The following DHX29 variants were observed in gnomAD, a reference collection of about 807,000 sequenced individuals.
DHX29 encodes DExH-box helicase 29.
Under a neutral mutation model 167.9 loss-of-function variants are expected in DHX29, and 79 were observed. The ratio of observed to expected loss-of-function variants is 0.47; its 90% CI spans 0.39 to 0.57. The LOEUF is 0.57. DHX29 is among the 20% of genes least tolerant of loss of function. The probability of loss-of-function intolerance (pLI) is 0.00; values close to 1 mark genes in which losing one functional copy is unlikely to be tolerated. For synonymous variants in DHX29, 530 were observed against 546.0 expected, an observed-to-expected ratio of 0.97 and a Z score of 0.41; for missense variants, 1,347 against 1,593.4, an observed-to-expected ratio of 0.85 and a Z score of 2.63.
rs536647432 is a variant in DHX29, at chr5:55,298,826, C to G, written c.188-162G>C. On this transcript the variant is annotated intron_variant, in intron 1 of 26. Transcript: ENST00000251636. Reference sequence around the variant, plus strand: ...CGGGTGGATCATGAGGTCAGGAGATCGAGACCATCCTGGCTAACAAGGTGA... The same window carrying G: ...CGGGTGGATCATGAGGTCAGGAGATGGAGACCATCCTGGCTAACAAGGTGA... Among the ~76,000 whole-genome samples the G allele has an allele frequency of 1.1e-4, 16 of 150,680 alleles. No individual in the cohort carries two copies. The East Asian group carries it at 2.9e-3, about 27-fold the overall frequency.
rs141890902 is a variant in DHX29, at chr5:55,270,585, T to G, written c.2986A>C (p.Arg996=). Residue 996 remains arginine, a synonymous_variant, in exon 19 of 27, where the codon AGA becomes CGA. Transcript: ENST00000251636. Reference sequence around the variant, plus strand: ...TCCAGTGCTATGCCATACCTTTCTCTTGTGTACATTCGGAAACAGAAGCCA... The same window carrying G: ...TCCAGTGCTATGCCATACCTTTCTCGTGTGTACATTCGGAAACAGAAGCCA... The part of the protein sequence containing the change: ...RDGFCFRMYT[R]ERFEGFMDYS... 29 of 1,614,090 alleles carry G rather than the reference T, an allele frequency of 1.8e-5. No homozygotes were observed. The African/African-American group carries it at 2.3e-4, about 13-fold the overall frequency.
chr5:55,305,118 C>T (rs2111991312), intron 1 of DHX29, among the ~76,000 whole-genome samples: 1 of 152,262 alleles, frequency 6.6e-6, no homozygotes, highest in Non-Finnish European at 1.5e-5. Context: ...AACACATATC[C>T]ATAAAACTGT....
In DHX29 at chr5:55,272,145, C is replaced by A. The variant is rs1416970665; in HGVS notation, c.2806G>T (p.Gly936Cys). 2 of 1,580,778 alleles carry A rather than the reference C, an allele frequency of 1.3e-6. No individual in the cohort carries two copies. The highest frequency in any genetic ancestry group is 3.7e-5 in the Admixed American group (2 of 54,082). The change falls in exon 18 of 27, where the codon GGT becomes TGT. Residue 936 changes from glycine (G) to cysteine (C), a missense_variant. Coordinates refer to ENST00000251636, the MANE Select transcript of DHX29 (RefSeq NM_019030.4). ...IVLATNIAETGITIPDVVFVI... is the reference protein window; with the variant it reads ...IVLATNIAETCITIPDVVFVI... ...AATACAACATCAGGAATAGTGATAC[C>A]CGTCTCTGCAATATTGGTTGCTAAA...
chr5:55,304,870 C>A (rs952577216), intron 1 of DHX29, among the ~76,000 whole-genome samples: 2 of 152,172 alleles, frequency 1.3e-5, no homozygotes, highest in African/African-American at 2.4e-5. Flanking sequence ...AGGAACTACA[C>A]AGAGTTGAGC....
intron 18 of DHX29, 22 bp downstream of exon 18, chr5:55,272,065 G>A (rs1017008173): frequency 7.1e-7 from 1 of 1,414,640 alleles, no homozygotes; most frequent in Non-Finnish European, 9.8e-7. Flanking sequence ...AAAATGTTTT[G>A]ATTTGGGAAA....
At chr5:55,259,644 C>G (rs573921711) in intron 26 of DHX29, among the ~76,000 whole-genome samples, 1 of 152,208 alleles carries the variant, frequency 6.6e-6, no homozygotes, top group African/African-American at 2.4e-5. Context: ...TTAGTAGAGA[C>G]AGGGTTTCAC....
Position 55,276,355 on chromosome 5 carries a change from CT to C in DHX29, c.2337del (p.Asp780ThrfsTer15). 6.2e-7 allele frequency: 1 copy of C among 1,605,962 alleles called. No individual in the cohort carries two copies. Among genetic ancestry groups the C allele is most frequent in the Non-Finnish European group, 8.5e-7 (1 of 1,176,480 alleles). ...IIEETGFVLE[K>X]DSEYCQKFLE... ...AGAAATTTCTGACAATATTCTGAGT[CT>C]TTTTCCAGTACAAAGCCTGTTTCTT... is the stretch of plus-strand genomic sequence containing the variant. On this transcript the variant is annotated frameshift_variant, in exon 14 of 27. Coordinates refer to ENST00000251636, the MANE Select transcript of DHX29 (RefSeq NM_019030.4). LOFTEE classifies it high-confidence loss of function.
intron 22 of DHX29, 99 bp from the exon 23 acceptor site, chr5:55,267,330 A>G: frequency 1.2e-6 from 1 of 863,578 alleles, no homozygotes; most frequent in Non-Finnish European, 1.8e-6. Flanking sequence ...TAATTAAATT[A>G]TAATTTTAAA....
intron 8 of DHX29, among the ~76,000 whole-genome samples, chr5:55,287,396 G>T (rs1018324002): frequency 6.6e-6 from 1 of 151,980 alleles, no homozygotes; most frequent in African/African-American, 2.4e-5. Context: ...AGCCAAGATC[G>T]TGCCACTGTT....
Position 55,301,731 on chromosome 5 carries a change from A to C in DHX29, c.188-3067T>G, listed in dbSNP as rs958882862. ...TCCATCTCAAAAAAAAAAAAAAAAA[A>C]AAAAACAAGAATGATTCCAGAATCA... is the stretch of plus-strand genomic sequence containing the variant. On this transcript the variant is annotated intron_variant, in intron 1 of 26. Transcript: ENST00000251636. 2.8e-3 allele frequency among the ~76,000 whole-genome samples: 419 copies of C among 151,578 alleles called. 2 individuals carry two copies. The highest frequency in any genetic ancestry group is 9.5e-3 in the African/African-American group (393 of 41,326).
intron 26 of DHX29, 27 bp downstream of exon 26, chr5:55,259,821 G>T (rs559925430): frequency 9.1e-6 from 12 of 1,321,970 alleles, no homozygotes; most frequent in Admixed American, 6.8e-5. Flanking sequence ...TGTGTATATG[G>T]TCTTTCACTT....
chr5:55,272,840 T>C (rs539807425), intron 17 of DHX29, among the ~76,000 whole-genome samples: 2 of 152,232 alleles, frequency 1.3e-5, no homozygotes, highest in African/African-American at 4.8e-5. Context: ...AAAAATCACA[T>C]TAATGAGAAC....
chr5:55,293,097 C>G (rs948756092), intron 6 of DHX29, among the ~76,000 whole-genome samples: 1 of 152,098 alleles, frequency 6.6e-6, no homozygotes, highest in Admixed American at 6.5e-5. Context: ...TGTAAAAAAG[C>G]AAATACGTAG....
chr5:55,304,060 T>C (rs1250757145), intron 1 of DHX29, among the ~76,000 whole-genome samples: 3 of 152,106 alleles, frequency 2.0e-5, no homozygotes, highest in East Asian at 1.9e-4. Flanking sequence ...AGTCATAACA[T>C]GATAAAGCAG....
In DHX29 at chr5:55,281,466, G is replaced by A; in HGVS notation, c.2015C>T (p.Ser672Phe). Residue 672 changes from serine to phenylalanine, a missense_variant, in exon 12 of 27, where the codon TCT becomes TTT. Around this residue, in one of 3 missense-constraint regions of DHX29, gnomAD observed 882 missense variants for 1,082.4 expected, o/e 0.81. Transcript: ENST00000251636. ...TGTTGTACAATAGAGTAACCTGGTA[G>A]ATTCACAAGCTCGAGATTCCATCCG... Reference protein sequence around the residue: ...QIRMESRACESTRLLYCTTGV... With the variant: ...QIRMESRACEFTRLLYCTTGV... 2 of 1,596,530 alleles carry A rather than the reference G, an allele frequency of 1.3e-6. No individual in the cohort carries two copies. The highest frequency in any genetic ancestry group is 1.7e-6 in the Non-Finnish European group (2 of 1,171,496).
intron 22 of DHX29, 59 bp from the exon 23 acceptor site, chr5:55,267,290 T>C: frequency 7.6e-7 from 1 of 1,314,676 alleles, no homozygotes; most frequent in South Asian, 1.3e-5. Context: ...TTCCAAACTC[T>C]TTTTCAGAGC....
At position 55,269,560 on chromosome 5, in the gene DHX29, T is replaced by C; in HGVS notation, c.3147A>G (p.Ala1049=). The C allele has an allele frequency of 1.2e-6, 2 of 1,614,142 alleles. No homozygotes were observed. Among genetic ancestry groups the C allele is most frequent in the Non-Finnish European group, 1.7e-6 (2 of 1,180,022 alleles). The change falls in exon 21 of 27, where the codon GCA becomes GCG. Residue 1049 remains alanine, a synonymous_variant. Transcript: ENST00000251636. The part of the protein sequence containing the change: ...DPPQLQVISN[A]MNLLRKIGAC... ...CTCCAATTTTTCGGAGCAAATTCATTGCATTGCTGATCACTTGGAGCTGAG... is the reference window on the plus strand; with the variant it reads ...CTCCAATTTTTCGGAGCAAATTCATCGCATTGCTGATCACTTGGAGCTGAG...
At position 55,296,205 on chromosome 5, in the gene DHX29, A is replaced by AATG. The variant is rs1561167797; in HGVS notation, c.505+12_505+14dup. On this transcript the variant is annotated intron_variant, in intron 4 of 26. Coordinates refer to ENST00000251636, the MANE Select transcript of DHX29 (RefSeq NM_019030.4). ...AAAGGTTTAGAAACTGAAAGAATTT[A>AATG]ATGATATTGTTTACCATCTGAAAGG... 1 of 1,595,628 alleles carries AATG rather than the reference A, an allele frequency of 6.3e-7. No individual in the cohort carries two copies. The highest frequency in any genetic ancestry group is 8.5e-7 in the Non-Finnish European group (1 of 1,173,128).
intron 1 of DHX29, among the ~76,000 whole-genome samples, chr5:55,303,203 G>A (rs528879888): frequency 3.3e-5 from 5 of 151,984 alleles, no homozygotes; most frequent in Admixed American, 2.0e-4. Context: ...AAAGGAAAAA[G>A]CAATGCTAAT....
Sources: allele counts gnomAD v4.1 joint callset (sites outside exome capture counted in the v4.1 genomes callset), GRCh38; gene constraint gnomAD v4.1.1; regional missense constraint gnomAD v4.1.1; transcripts MANE v1.5; gene names NCBI Gene and HGNC (gene_info 2026-07-23, HGNC 2026-07-21).